The following PDHX variants were observed in gnomAD, a reference collection of about 807,000 sequenced individuals.
PDHX encodes pyruvate dehydrogenase protein X component, mitochondrial.
Under a neutral mutation model 55.3 loss-of-function variants are expected in PDHX, and 33 were observed. The ratio of observed to expected loss-of-function variants is 0.60; its 90% CI spans 0.45 to 0.80. PDHX has a LOEUF of 0.80. Ranked by LOEUF, PDHX falls within the 30% of genes least tolerant of loss-of-function variation. PDHX has a pLI of 0.00. For synonymous variants in PDHX, 226 were observed against 219.4 expected (o/e 1.03, Z -0.27); for missense variants, 622 against 619.9 (o/e 1.00, Z -0.04).
At position 34,966,209 on chromosome 11, in the gene PDHX, G is replaced by A. The variant is rs1855127870; in HGVS notation, c.642-431G>A. The stretch of plus-strand genomic sequence containing the variant: ...AATGAATAAACAATAAGTGAACAAT[G>A]ATGTAGGAAGTATCCTGGTGAAAGC... On this transcript the variant is annotated intron_variant, in intron 5 of 10. Transcript: ENST00000227868. Among the ~76,000 whole-genome samples, 3 of 152,172 alleles carry A rather than the reference G, an allele frequency of 2.0e-5. No individual in the cohort carries two copies. In the South Asian group the frequency reaches 6.2e-4, roughly 32 times the overall value.
chr11:34,926,997 G>A (rs1854039590), intron 1 of PDHX, among the ~76,000 whole-genome samples: 3 of 148,626 alleles, frequency 2.0e-5, no homozygotes. Flanking sequence ...TTAATGTATT[G>A]TGTCATTCTG....
intron 1 of PDHX, among the ~76,000 whole-genome samples, chr11:34,926,712 A>G (rs1210236233): frequency 6.6e-6 from 1 of 151,960 alleles, no homozygotes; most frequent in African/African-American, 2.4e-5. Flanking sequence ...TCATGAATCA[A>G]TCATCAATTT....
At chr11:34,940,150 C>T (rs185545890) in intron 2 of PDHX, among the ~76,000 whole-genome samples, 11 of 152,168 alleles carry the variant, frequency 7.2e-5, no homozygotes, top group African/African-American at 1.9e-4. Context: ...TCTGCTCTGC[C>T]GTGAAGCACT....
In PDHX at chr11:34,936,783, C is replaced by CTTTTCT. The variant is rs1166368840; in HGVS notation, c.241+5303_241+5304insCTTTTT. Among the ~76,000 whole-genome samples the CTTTTCT allele has an allele frequency of 7.3e-3, 579 of 78,974 alleles. 28 individuals carry two copies. Among genetic ancestry groups the CTTTTCT allele is most frequent in the African/African-American group, 0.021 (331 of 15,830 alleles). 51.8% of individuals were successfully genotyped at this position (78,974 alleles called of 152,430 possible). The stretch of plus-strand genomic sequence containing the variant: ...AATAGGAAGTGGTTTCTTTTCTTTT[C>CTTTTCT]TTTTTTTTTTTTTTTTTTTTTTCTG... On this transcript the variant is annotated intron_variant, in intron 2 of 10. Transcript: ENST00000227868.
intron 5 of PDHX, among the ~76,000 whole-genome samples, chr11:34,966,036 A>G (rs527791203): frequency 6.6e-6 from 1 of 152,328 alleles, no homozygotes; most frequent in Non-Finnish European, 1.5e-5. Context: ...AGAGTAATAC[A>G]AAGGCAAGTC....
At chr11:34,962,589 G>A (rs1855040946) in intron 5 of PDHX, among the ~76,000 whole-genome samples, 1 of 152,208 alleles carries the variant, frequency 6.6e-6, no homozygotes, top group South Asian at 2.1e-4. Context: ...AGGTAGATTT[G>A]GTAGATAATA....
Position 34,916,846 on chromosome 11 carries a change from G to C in PDHX, c.160+31G>C, listed in dbSNP as rs373959826. On this transcript the variant is annotated intron_variant, in intron 1 of 10. Transcript: ENST00000227868. ...TGGCCGGGGCTCGCTCAGCTTCTCT[G>C]TGTAGCTGAGTGATGGGCCTGGGAC... 61 of 1,539,826 alleles carry C rather than the reference G, an allele frequency of 4.0e-5. No individual in the cohort carries two copies. The African/African-American group carries it at 6.4e-4, about 16-fold the overall frequency.
At chr11:34,953,591 T>G (rs1368007506) in intron 3 of PDHX, among the ~76,000 whole-genome samples, 1 of 152,254 alleles carries the variant, frequency 6.6e-6, no homozygotes, top group Non-Finnish European at 1.5e-5. Flanking sequence ...TTATACCTTT[T>G]AAACTTGTTT....
intron 1 of PDHX, among the ~76,000 whole-genome samples, chr11:34,928,024 A>T (rs117744956): frequency 0.023 from 3,465 of 152,244 alleles, 72 homozygotes; most frequent in Middle Eastern, 0.071. Context: ...AACTTGAAAG[A>T]TAATAATAAA....
rs144203109 is a variant in PDHX at position 34,953,427 on chromosome 11, C to T, written c.343-3957C>T. On this transcript the variant is annotated intron_variant, in intron 3 of 10. Transcript: ENST00000227868. ...GAACAAAGCTGGAGGCATCATGCTA[C>T]GTGACTTCAAAGTATACTACAAGGC... Among the ~76,000 whole-genome samples the T allele has an allele frequency of 6.4e-4, 97 of 152,328 alleles. 1 individual carries two copies. Among genetic ancestry groups the T allele is most frequent in the African/African-American group, 2.2e-3 (93 of 41,576 alleles).
At chr11:34,988,563 A>AG (rs1855698406) in intron 9 of PDHX, among the ~76,000 whole-genome samples, 1 of 138,802 alleles carries the variant, frequency 7.2e-6, no homozygotes, top group Non-Finnish European at 1.5e-5. Flanking sequence ...TCTGTCAAAA[A>AG]AAAAAAAAAA....
intron 1 of PDHX, among the ~76,000 whole-genome samples, chr11:34,930,982 G>A (rs1415375419): frequency 6.6e-6 from 1 of 152,148 alleles, no homozygotes; most frequent in Non-Finnish European, 1.5e-5. Context: ...CCGTGTTTTT[G>A]TTGTTGTTGC....
Position 34,923,153 on chromosome 11 carries a change from TATA to T in PDHX, c.160+6345_160+6347del, listed in dbSNP as rs1266699668. Among the ~76,000 whole-genome samples the T allele has an allele frequency of 2.6e-5, 4 of 151,852 alleles. No individual in the cohort carries two copies. In the South Asian group the frequency reaches 6.3e-4, roughly 24 times the overall value. On this transcript the variant is annotated intron_variant, in intron 1 of 10. Transcript: ENST00000227868. ...TGTGCCATTGGATACTAAGTAGAAGTATAATAATATAGAATCAGCAGATTCTAT... is the reference window on the plus strand; with the variant it reads ...TGTGCCATTGGATACTAAGTAGAAGTATAATATAGAATCAGCAGATTCTAT...
At chr11:34,968,774 T>C (rs1025163252) in intron 6 of PDHX, among the ~76,000 whole-genome samples, 4 of 152,222 alleles carry the variant, frequency 2.6e-5, no homozygotes, top group African/African-American at 9.6e-5. Context: ...GGAAGACCCT[T>C]CAGTTACCTT....
chr11:34,942,079 T>C (rs1265685118), intron 2 of PDHX, among the ~76,000 whole-genome samples: 5 of 152,242 alleles, frequency 3.3e-5, no homozygotes, highest in African/African-American at 4.8e-5. Flanking sequence ...CTGAGTCTTT[T>C]CCACTCTTCT....
chr11:34,966,963 T>C, intron 6 of PDHX, 149 bp downstream of exon 6: 1 of 707,946 alleles, frequency 1.4e-6, no homozygotes, highest in Non-Finnish European at 2.4e-6. Flanking sequence ...GTGATTCTCC[T>C]GCCTTAGCTT....
At chr11:34,950,890 C>G (rs1263192744) in intron 3 of PDHX, among the ~76,000 whole-genome samples, 10 of 150,194 alleles carry the variant, frequency 6.7e-5, no homozygotes, top group African/African-American at 2.4e-4. Context: ...GGTATATACC[C>G]AGTAATGGGA....
intron 1 of PDHX, among the ~76,000 whole-genome samples, chr11:34,926,479 T>A (rs568759950): frequency 6.6e-6 from 1 of 152,238 alleles, no homozygotes; most frequent in African/African-American, 2.4e-5. Flanking sequence ...ATTTCATGAT[T>A]TTTGCATGCT....
chr11:34,918,715 T>G (rs374494039), intron 1 of PDHX, among the ~76,000 whole-genome samples: 1 of 152,192 alleles, frequency 6.6e-6, no homozygotes, highest in Non-Finnish European at 1.5e-5. Flanking sequence ...CTCATAGTTC[T>G]AGAGGTCCGA....
Sources: allele counts gnomAD v4.1 joint callset (sites outside exome capture counted in the v4.1 genomes callset), GRCh38; gene constraint gnomAD v4.1.1; transcripts MANE v1.5; gene names NCBI Gene and HGNC (gene_info 2026-07-23, HGNC 2026-07-21).